ST3GAL5: variants seen among roughly 807,000 people sequenced by gnomAD.
The protein encoded by ST3GAL5 is lactosylceramide alpha-2,3-sialyltransferase.
Under a neutral mutation model 46.1 loss-of-function variants are expected in ST3GAL5, and 25 were observed. The observed-to-expected ratio is 0.54, with a 90% CI of 0.40 to 0.76. ST3GAL5 has a LOEUF of 0.76. Among genes scored for constraint, ST3GAL5 ranks in the 30% least tolerant of loss-of-function variants. The pLI, the probability that ST3GAL5 is intolerant of heterozygous loss-of-function variation, is 0.00. For missense variants in ST3GAL5, 431 were observed against 521.2 expected (o/e 0.83, Z 1.69); for synonymous variants, 182 against 192.7 (o/e 0.94, Z 0.46).
At chr2:85,848,353 AGT>A in intron 3 of ST3GAL5, 149 bp from the exon 4 acceptor site, 4 of 1,565,964 alleles carry the variant, frequency 2.6e-6, no homozygotes, top group Non-Finnish European at 3.5e-6. Context: ...TTTAGAGTTA[AGT>A]TTGGCTCAGA....
intron 4 of ST3GAL5, among the ~76,000 whole-genome samples, chr2:85,847,031 C>T (rs996940114): frequency 5.9e-5 from 9 of 152,174 alleles, no homozygotes; most frequent in African/African-American, 9.7e-5. Context: ...TGAGCTCAAG[C>T]GATCCTCCTG....
chr2:85,874,017 A>G (rs1686246775), intron 1 of ST3GAL5, among the ~76,000 whole-genome samples: 1 of 152,198 alleles, frequency 6.6e-6, no homozygotes, highest in African/African-American at 2.4e-5. Context: ...TTTAGCCTAC[A>G]TATTTTCAGA....
chr2:85,852,768 C>A, intron 3 of ST3GAL5: 2 of 721,138 alleles, frequency 2.8e-6, no homozygotes, highest in Non-Finnish European at 4.1e-6. Flanking sequence ...ATCAGGAGAT[C>A]TGGAGGCTGG....
At position 85,847,844 on chromosome 2, in the gene ST3GAL5, A is replaced by C. The variant is rs1682995021; in HGVS notation, c.662+17T>G. 6.2e-7 allele frequency: 1 copy of C among 1,610,504 alleles called. No homozygotes were observed. Among genetic ancestry groups the C allele is most frequent in the East Asian group, 2.2e-5 (1 of 44,872 alleles). On this transcript the variant is annotated intron_variant, in intron 4 of 6. Transcript: ENST00000638572. ...AATAAAAATAAGTAAACAAACAAAC[A>C]AAAAAAACCAATGTACCTTATCACA...
rs757539559 is a variant in ST3GAL5 at position 85,846,485 on chromosome 2, G to A, written c.741C>T (p.Gly247=). Residue 247 remains glycine (G), a synonymous_variant, in exon 5 of 7, where the codon GGC becomes GGT. Coordinates refer to ENST00000638572, the MANE Select transcript of ST3GAL5 (RefSeq NM_003896.4). ...AATATTCAAGGTCAGACAGTGGTGCGCCCTCTGGATAAGTCATCCTTATAG... is the reference window on the plus strand; with the variant it reads ...AATATTCAAGGTCAGACAGTGGTGCACCCTCTGGATAAGTCATCCTTATAG... ...KTTIRMTYPE[G]APLSDLEYYS... 2.4e-5 allele frequency: 38 copies of A among 1,613,964 alleles called. No homozygotes were observed. Among genetic ancestry groups the A allele is most frequent in the East Asian group, 4.5e-5 (2 of 44,898 alleles).
chr2:85,855,961 T>C (rs1200228360), intron 3 of ST3GAL5: 1 of 152,184 alleles, frequency 6.6e-6, no homozygotes, highest in African/African-American at 2.4e-5. Context: ...TTGATAAAGA[T>C]GCGGAGAAAC....
chr2:85,848,487 C>T lies in ST3GAL5; in HGVS notation c.319-283G>A, dbSNP rs907820870. The T allele has an allele frequency of 2.6e-5, 30 of 1,152,028 alleles. No individual in the cohort carries two copies. The African/African-American group carries it at 4.2e-4, about 16-fold the overall frequency. The allele number at this position is 1,152,028 out of a possible 1,614,324, so 71.4% of individuals were successfully genotyped here. On this transcript the variant is annotated intron_variant, in intron 3 of 6. Coordinates refer to ENST00000638572, the MANE Select transcript of ST3GAL5 (RefSeq NM_003896.4). ...CTCCCACCCCCAGCCTAACACTGTT[C>T]AAATACATTTGGGGTGAAAATGTAC...
intron 1 of ST3GAL5, among the ~76,000 whole-genome samples, chr2:85,867,426 A>G (rs759123962): frequency 1.6e-4 from 24 of 152,232 alleles, no homozygotes; most frequent in Non-Finnish European, 2.4e-4. Context: ...ACTGAAAAAT[A>G]TAAGAAAAAG....
In ST3GAL5 at chr2:85,851,513, T is replaced by C. The variant is rs529752609; in HGVS notation, c.319-3309A>G. Reference sequence around the variant, plus strand: ...ATGGGCCATGTCCTCCACTCTGGGATGGTTTCTGTTCTTGCTTCAATGGTG... The same window carrying C: ...ATGGGCCATGTCCTCCACTCTGGGACGGTTTCTGTTCTTGCTTCAATGGTG... On this transcript the variant is annotated intron_variant, in intron 3 of 6. Transcript: ENST00000638572. 220 of 1,288,310 alleles carry C rather than the reference T, an allele frequency of 1.7e-4. 2 individuals are homozygous for C. The South Asian group carries it at 2.3e-3, about 13-fold the overall frequency. The allele number at this position is 1,288,310 out of a possible 1,614,324, so 79.8% of individuals were successfully genotyped here. A position where few individuals can be genotyped will look rare whatever the true frequency, so the allele number is the denominator to read the frequency against.
intron 1 of ST3GAL5, among the ~76,000 whole-genome samples, chr2:85,879,865 G>C (rs1686963901): frequency 6.6e-6 from 1 of 152,226 alleles, no homozygotes; most frequent in South Asian, 2.1e-4. Context: ...CAGATGATGG[G>C]AAAGTTTGTG....
chr2:85,848,227 T>C (rs1003757561), intron 3 of ST3GAL5, 23 bp from the exon 4 acceptor site: 4 of 1,613,766 alleles, frequency 2.5e-6, no homozygotes, highest in Non-Finnish European at 3.4e-6. Flanking sequence ...CACACCAATC[T>C]GGGTTTTAAA....
intron 1 of ST3GAL5, among the ~76,000 whole-genome samples, chr2:85,870,814 T>A (rs1205070566): frequency 1.3e-5 from 2 of 151,846 alleles, no homozygotes; most frequent in Non-Finnish European, 2.9e-5. Flanking sequence ...GTAGCTGGGA[T>A]TACAGGTGCC....
At chr2:85,851,485 C>G in intron 3 of ST3GAL5, 1 of 1,276,100 alleles carries the variant, frequency 7.8e-7, no homozygotes, top group Non-Finnish European at 1.0e-6. Context: ...ACAGGAGGAC[C>G]ACATGGGCCA....
chr2:85,865,627 C>G (rs1042733085), intron 1 of ST3GAL5, among the ~76,000 whole-genome samples: 2 of 152,180 alleles, frequency 1.3e-5, no homozygotes, highest in African/African-American at 4.8e-5. Context: ...AGCAGGCTAC[C>G]TGTAGCCTGT....
intron 1 of ST3GAL5, among the ~76,000 whole-genome samples, chr2:85,879,365 G>A (rs778312707): frequency 2.0e-5 from 3 of 152,156 alleles, no homozygotes; most frequent in Non-Finnish European, 4.4e-5. Flanking sequence ...TCGCAGGGGA[G>A]AAGGTATGCA....
chr2:85,871,261 T>C (rs534827378), intron 1 of ST3GAL5, among the ~76,000 whole-genome samples: 1 of 152,270 alleles, frequency 6.6e-6, no homozygotes, highest in East Asian at 1.9e-4. Flanking sequence ...TCATTTATCA[T>C]TTCTTTGTGT....
intron 1 of ST3GAL5, among the ~76,000 whole-genome samples, chr2:85,874,537 G>A (rs1168995315): frequency 1.3e-5 from 2 of 151,900 alleles, no homozygotes; most frequent in African/African-American, 4.8e-5. Context: ...TCATTCAAAA[G>A]TTGCCTTCCT....
At chr2:85,851,698 C>T (rs1263818455) in intron 3 of ST3GAL5, 9 of 1,289,296 alleles carry the variant, frequency 7.0e-6, no homozygotes, top group Non-Finnish European at 9.1e-6. Flanking sequence ...GCCGCACCTT[C>T]AGGAGCTGCA....
At position 85,863,475 on chromosome 2, in the gene ST3GAL5, A is replaced by G. The variant is rs1684943645; in HGVS notation, c.93T>C (p.Ser31=). 1 of 1,614,100 alleles carries G rather than the reference A, an allele frequency of 6.2e-7. No individual in the cohort carries two copies. ...TTCTCAGTTTCACATAGGTGTACTC[A>G]CTTGGCATTGCTGTGAAGAGAGGCG... The part of the protein sequence containing the change: ...AAAPAGRAMP[S]EYTYVKLRSD... The change falls in exon 2 of 7, where the codon AGT becomes AGC. Residue 31 remains serine (S), a synonymous_variant. Transcript: ENST00000638572.
Sources: gnomAD v4.1 joint callset for allele counts (sites outside exome capture counted in the v4.1 genomes callset) on GRCh38, gnomAD v4.1.1 for gene constraint, MANE v1.5 for transcripts, NCBI Gene and HGNC (gene_info 2026-07-23, HGNC 2026-07-21) for gene names.